CYB5R4: variants seen among roughly 807,000 people sequenced by gnomAD.
CYB5R4 encodes the protein N-terminal cytochrome b5 and cytochrome b5 oxidoreductase domain-containing protein.
In CYB5R4, 55 loss-of-function variants were observed where a neutral mutation model predicts 70.2. That is an observed-to-expected ratio of 0.78 (90% confidence interval 0.63 to 0.98). The LOEUF is 0.98. CYB5R4 is among the 50% of genes least tolerant of loss of function. The pLI is 0.00. For synonymous variants in CYB5R4, 197 were observed against 199.5 expected, an observed-to-expected ratio of 0.99 and a Z score of 0.11; for missense variants, 562 against 612.6, an observed-to-expected ratio of 0.92 and a Z score of 0.87.
chr6:83,892,836 C>CT (rs1562831894), intron 2 of CYB5R4, among the ~76,000 whole-genome samples: 3 of 152,020 alleles, frequency 2.0e-5, no homozygotes, highest in Non-Finnish European at 4.4e-5. Context: ...TTCTCTCTCT[C>CT]TCTTCCTCTC....
chr6:83,907,245 T>A (rs2129137417), intron 3 of CYB5R4, among the ~76,000 whole-genome samples: 1 of 152,280 alleles, frequency 6.6e-6, no homozygotes, highest in South Asian at 2.1e-4. Flanking sequence ...CTTAAAATTA[T>A]TCCTGGCCTA....
intron 3 of CYB5R4, among the ~76,000 whole-genome samples, chr6:83,895,508 A>G (rs1026596023): frequency 6.6e-6 from 1 of 152,162 alleles, no homozygotes; most frequent in African/African-American, 2.4e-5. Context: ...AGAAAGGTTT[A>G]GGAACATTTG....
chr6:83,880,847 C>G (rs978255382), intron 2 of CYB5R4, among the ~76,000 whole-genome samples: 3 of 152,126 alleles, frequency 2.0e-5, no homozygotes, highest in African/African-American at 7.2e-5. Context: ...CCTGCATTGG[C>G]ATCAATATTG....
Position 83,864,306 on chromosome 6 carries a change from T to C in CYB5R4, c.207T>C (p.Asp69=). ...AACTTAAGAAACACAACAAAAAAGA[T>C]GATTGTTGGATATGCATAAGAGGTA... The part of the protein sequence containing the change: ...EEELKKHNKK[D]DCWICIRGFV... The change falls in exon 2 of 16, where the codon GAT becomes GAC. Residue 69 remains aspartate, a synonymous_variant. Coordinates refer to ENST00000369681, the MANE Select transcript of CYB5R4 (RefSeq NM_016230.4). 6.2e-7 allele frequency: 1 copy of C among 1,612,520 alleles called. No individual in the cohort carries two copies. The highest frequency in any genetic ancestry group is 8.5e-7 in the Non-Finnish European group (1 of 1,179,366).
intron 2 of CYB5R4, among the ~76,000 whole-genome samples, chr6:83,874,885 C>T (rs1369303255): frequency 1.3e-5 from 2 of 151,550 alleles, no homozygotes; most frequent in African/African-American, 4.9e-5. Context: ...TGCAGTGGCG[C>T]GATCTTGGCT....
At chr6:83,955,899 G>A (rs1300948940) in intron 15 of CYB5R4, among the ~76,000 whole-genome samples, 1 of 152,052 alleles carries the variant, frequency 6.6e-6, no homozygotes, top group South Asian at 2.1e-4. Context: ...CAAGCAGCAA[G>A]ACAAAAAGGG....
intron 10 of CYB5R4, among the ~76,000 whole-genome samples, chr6:83,933,894 A>G (rs574235451): frequency 6.6e-6 from 1 of 152,286 alleles, no homozygotes; most frequent in East Asian, 1.9e-4. Context: ...CAAAACCTAC[A>G]CCTTTAAGCA....
intron 10 of CYB5R4, among the ~76,000 whole-genome samples, chr6:83,931,086 C>A (rs2099468071): frequency 6.6e-6 from 1 of 152,210 alleles, no homozygotes; most frequent in South Asian, 2.1e-4. Context: ...CTTATCAGAT[C>A]ATTCATATGC....
intron 10 of CYB5R4, chr6:83,926,295 G>A (rs2099467258): frequency 6.6e-6 from 1 of 151,962 alleles, no homozygotes; most frequent in Non-Finnish European, 1.5e-5. Context: ...CAGAAGCCAT[G>A]TGGGGAAGAA....
chr6:83,905,339 G>A (rs551495837), intron 3 of CYB5R4, among the ~76,000 whole-genome samples: 2 of 152,256 alleles, frequency 1.3e-5, no homozygotes, highest in African/African-American at 2.4e-5. Flanking sequence ...CACTGCGCCC[G>A]GCCCTTTTTC....
intron 2 of CYB5R4, among the ~76,000 whole-genome samples, chr6:83,877,321 A>G (rs2099458728): frequency 6.6e-6 from 1 of 152,126 alleles, no homozygotes; most frequent in Non-Finnish European, 1.5e-5. Context: ...TGAGAACTCT[A>G]CCATCATTCT....
At chr6:83,906,256 G>C (rs913789433) in intron 3 of CYB5R4, among the ~76,000 whole-genome samples, 3 of 152,210 alleles carry the variant, frequency 2.0e-5, no homozygotes, top group African/African-American at 7.2e-5. Context: ...TGGTGCGGTA[G>C]CTGGCAGTTC....
rs1405841906 is a variant in CYB5R4 at position 83,961,023 on chromosome 6, A to G, written c.*1145A>G. 3.3e-5 allele frequency: 5 copies of G among 152,244 alleles called. No homozygotes were observed. The highest frequency in any genetic ancestry group is 1.9e-4 in the East Asian group (1 of 5,204). 9.4% of individuals were successfully genotyped at this position (152,244 alleles called of 1,614,324 possible). On this transcript the variant is annotated 3_prime_UTR_variant, in exon 16 of 16. Transcript: ENST00000369681. ...GTTTTCACAGAAATAGGGGATTGAA[A>G]GAGTCTCCAATTTCTCTGTAAATGA...
intron 2 of CYB5R4, among the ~76,000 whole-genome samples, chr6:83,874,883 C>T (rs1040930650): frequency 3.3e-5 from 5 of 151,370 alleles, no homozygotes; most frequent in Non-Finnish European, 4.4e-5. Flanking sequence ...AGTGCAGTGG[C>T]GCGATCTTGG....
At chr6:83,938,938 G>A (rs990476493) in intron 12 of CYB5R4, among the ~76,000 whole-genome samples, 4 of 151,830 alleles carry the variant, frequency 2.6e-5, no homozygotes, top group Admixed American at 6.6e-5. Context: ...GGGTTCAAGC[G>A]ATTCTCCTGC....
chr6:83,868,472 A>C lies in CYB5R4; in HGVS notation c.229+4144A>C, dbSNP rs1036549048. On this transcript the variant is annotated intron_variant, in intron 2 of 15. Transcript: ENST00000369681. Reference sequence around the variant, plus strand: ...TGACAGTGGGATATAAAAAATGAGCATCAGTTTGGAATGATCTCTAAGACG... The same window carrying C: ...TGACAGTGGGATATAAAAAATGAGCCTCAGTTTGGAATGATCTCTAAGACG... Among the ~76,000 whole-genome samples the C allele has an allele frequency of 2.0e-5, 3 of 152,302 alleles. No individual in the cohort carries two copies. In the Middle Eastern group the frequency reaches 0.01, roughly 518 times the overall value.
At chr6:83,879,076 C>T (rs2099459049) in intron 2 of CYB5R4, among the ~76,000 whole-genome samples, 3 of 152,164 alleles carry the variant, frequency 2.0e-5, no homozygotes, top group African/African-American at 4.8e-5. Context: ...CTGTTTCAGC[C>T]TCAGTCTTAG....
chr6:83,928,644 A>C (rs889499423), intron 10 of CYB5R4, among the ~76,000 whole-genome samples: 2 of 152,216 alleles, frequency 1.3e-5, no homozygotes, highest in African/African-American at 4.8e-5. Context: ...AAATGGGTTA[A>C]TTTTACCAGA....
intron 10 of CYB5R4, among the ~76,000 whole-genome samples, chr6:83,929,059 T>G (rs547792595): frequency 1.3e-5 from 2 of 152,188 alleles, no homozygotes; most frequent in South Asian, 4.1e-4. Flanking sequence ...GTTTTCCACT[T>G]TGGAAAATGA....
Sources: gnomAD v4.1 joint callset for allele counts (sites outside exome capture counted in the v4.1 genomes callset) on GRCh38, gnomAD v4.1.1 for gene constraint, MANE v1.5 for transcripts, NCBI Gene and HGNC (gene_info 2026-07-23, HGNC 2026-07-21) for gene names.